The following STPG2 variants were observed in gnomAD, a reference collection of about 807,000 sequenced individuals.
STPG2 encodes the protein sperm-tail PG-rich repeat-containing protein 2.
STPG2 carries 56 observed loss-of-function variants against 54.2 expected under a neutral mutation model. That is an observed-to-expected ratio of 1.03 (90% CI 0.83 to 1.29). The LOEUF (loss-of-function observed/expected upper bound fraction) is 1.29, where lower values mean the gene tolerates loss of function less well. STPG2 is among the 50% of genes most tolerant of loss of function. The pLI is 0.00. For synonymous variants in STPG2, 200 were observed against 181.8 expected, an observed-to-expected ratio of 1.10 and a Z score of -0.81; for missense variants, 596 against 544.9, an observed-to-expected ratio of 1.09 and a Z score of -0.93.
chr4:98,007,081 C>A (rs1377808423), intron 5 of STPG2, among the ~76,000 whole-genome samples: 1 of 152,204 alleles, frequency 6.6e-6, no homozygotes, highest in Non-Finnish European at 1.5e-5. Context: ...TGCTCCAAGG[C>A]TGAATGTAAA....
At chr4:98,118,097 T>C (rs1200791922) in intron 3 of STPG2, among the ~76,000 whole-genome samples, 1 of 152,190 alleles carries the variant, frequency 6.6e-6, no homozygotes, top group Admixed American at 6.6e-5. Flanking sequence ...AGACTAATTC[T>C]CTAAACTCTG....
intron 5 of STPG2, among the ~76,000 whole-genome samples, chr4:98,043,709 T>C (rs1419383058): frequency 6.6e-6 from 1 of 152,184 alleles, no homozygotes; most frequent in Non-Finnish European, 1.5e-5. Context: ...TTTTCTTTAA[T>C]AAAAATTACT....
intron 8 of STPG2, among the ~76,000 whole-genome samples, chr4:97,856,695 T>C (rs1436504648): frequency 6.6e-6 from 1 of 152,186 alleles, no homozygotes; most frequent in Admixed American, 6.6e-5. Context: ...TCCAATACCA[T>C]GTTGAATAGA....
intron 9 of STPG2, among the ~76,000 whole-genome samples, chr4:97,837,419 C>T (rs918277585): frequency 5.3e-5 from 8 of 151,704 alleles, no homozygotes; most frequent in Non-Finnish European, 8.9e-5. Flanking sequence ...GCCCCCAACC[C>T]ATGACTAAAA....
chr4:97,601,651 C>CAT (rs1733465510), intron 10 of STPG2, among the ~76,000 whole-genome samples: 1 of 151,804 alleles, frequency 6.6e-6, no homozygotes, highest in Non-Finnish European at 1.5e-5. Flanking sequence ...ATCAAGGATC[C>CAT]ATATATGCAT....
intron 9 of STPG2, among the ~76,000 whole-genome samples, chr4:97,773,067 A>G (rs1322267025): frequency 6.6e-6 from 1 of 152,178 alleles, no homozygotes. Context: ...AAATTGTATC[A>G]TCACTCCTTT....
chr4:97,500,078 G>A (rs921415843), intron 4 of STPG2, among the ~76,000 whole-genome samples: 5 of 151,920 alleles, frequency 3.3e-5, no homozygotes, highest in African/African-American at 1.2e-4. Flanking sequence ...GGCAATAGGA[G>A]GGGCAAGAAC....
intron 9 of STPG2, among the ~76,000 whole-genome samples, chr4:97,822,613 C>T (rs1728125320): frequency 6.6e-6 from 1 of 152,182 alleles, no homozygotes; most frequent in African/African-American, 2.4e-5. Flanking sequence ...GCTGTACAAG[C>T]ATAGTGCTGA....
At chr4:97,595,300 G>A (rs1430001574) in intron 10 of STPG2, among the ~76,000 whole-genome samples, 1 of 152,138 alleles carries the variant, frequency 6.6e-6, no homozygotes, top group African/African-American at 2.4e-5. Flanking sequence ...GTCCTTTGTA[G>A]GGACATGGAT....
At chr4:97,810,399 G>A (rs1560537395) in intron 9 of STPG2, among the ~76,000 whole-genome samples, 1 of 151,548 alleles carries the variant, frequency 6.6e-6, no homozygotes, top group African/African-American at 2.4e-5. Context: ...GGGGGGCAGA[G>A]GTTGCAGTGA....
chr4:97,462,208 T>C (rs199879568), intron 4 of STPG2, among the ~76,000 whole-genome samples: 2 of 152,082 alleles, frequency 1.3e-5, no homozygotes, highest in East Asian at 3.9e-4. Context: ...CAACTTTCCA[T>C]TGTCCTACAT....
intron 8 of STPG2, among the ~76,000 whole-genome samples, chr4:97,942,718 A>G (rs1395427466): frequency 1.3e-5 from 2 of 152,136 alleles, no homozygotes; most frequent in African/African-American, 4.8e-5. Context: ...ATCTTGTACC[A>G]GTTATTTTAC....
chr4:98,017,876 TTCTC>T (rs137889199), intron 5 of STPG2, among the ~76,000 whole-genome samples: 79 of 151,526 alleles, frequency 5.2e-4, no homozygotes, highest in South Asian at 1.3e-3. Flanking sequence ...CATTCATTCA[TTCTC>T]TCTCTCTCTC....
intron 5 of STPG2, among the ~76,000 whole-genome samples, chr4:98,035,540 A>T (rs1736746519): frequency 6.6e-6 from 1 of 152,214 alleles, no homozygotes; most frequent in South Asian, 2.1e-4. Flanking sequence ...CAGTATGGTG[A>T]TTCCTCAAGG....
At chr4:97,913,281 A>T (rs1459056672) in intron 8 of STPG2, among the ~76,000 whole-genome samples, 1 of 152,090 alleles carries the variant, frequency 6.6e-6, no homozygotes, top group African/African-American at 2.4e-5. Context: ...TTCCCTCAAA[A>T]CCGGTATCTG....
chr4:97,923,376 C>A (rs1732196793), intron 8 of STPG2, among the ~76,000 whole-genome samples: 1 of 152,132 alleles, frequency 6.6e-6, no homozygotes, highest in Admixed American at 6.5e-5. Flanking sequence ...GCGCCCCGTC[C>A]CATCGACTGC....
At chr4:97,959,071 C>A (rs1733791271) in intron 7 of STPG2, among the ~76,000 whole-genome samples, 2 of 152,012 alleles carry the variant, frequency 1.3e-5, no homozygotes, top group Non-Finnish European at 2.9e-5. Context: ...CTAAAAGGAA[C>A]CTTCAAAATC....
At chr4:97,775,398 T>C (rs1254664981) in intron 9 of STPG2, among the ~76,000 whole-genome samples, 1 of 152,090 alleles carries the variant, frequency 6.6e-6, no homozygotes, top group Non-Finnish European at 1.5e-5. Flanking sequence ...ATGCTATCCC[T>C]AGAAATTAAA....
At chr4:97,716,976 A>G (rs193194487) in intron 9 of STPG2, among the ~76,000 whole-genome samples, 157 of 152,272 alleles carry the variant, frequency 1.0e-3, no homozygotes, top group Non-Finnish European at 1.5e-3. Flanking sequence ...TATGGAACAC[A>G]TTTTCTCATA....
Sources: allele counts gnomAD v4.1 joint callset (sites outside exome capture counted in the v4.1 genomes callset), GRCh38; gene constraint gnomAD v4.1.1; transcripts MANE v1.5; gene names NCBI Gene and HGNC (gene_info 2026-07-23, HGNC 2026-07-21).